Variants in PRMT8 observed in about 807,000 individuals in gnomAD.
The protein encoded by PRMT8 is protein arginine N-methyltransferase 8.
A neutral mutation model predicts 47.1 loss-of-function variants in PRMT8; 7 were observed. That is an observed-to-expected ratio of 0.15 (90% CI 0.08 to 0.28). The LOEUF is 0.28. Ranked by LOEUF, PRMT8 falls within the 10% of genes least tolerant of loss-of-function variation. The pLI, the probability that PRMT8 is intolerant of heterozygous loss-of-function variation, is 1.00. For synonymous variants in PRMT8, 188 were observed against 186.5 expected, an observed-to-expected ratio of 1.01 and a Z score of -0.07; for missense variants, 237 against 505.4, an observed-to-expected ratio of 0.47 and a Z score of 5.09.
intron 1 of PRMT8, among the ~76,000 whole-genome samples, chr12:3,425,341 G>A (rs1208430369): frequency 6.6e-6 from 1 of 152,258 alleles, no homozygotes; most frequent in Non-Finnish European, 1.5e-5. Context: ...TTGCTGGCAA[G>A]GCCCTCAAAC....
intron 1 of PRMT8, among the ~76,000 whole-genome samples, chr12:3,445,866 C>G (rs1014257097): frequency 2.6e-5 from 4 of 152,206 alleles, no homozygotes; most frequent in African/African-American, 7.2e-5. Context: ...GCGATATTTA[C>G]TGCGGTCAGC....
chr12:3,381,932 G>A (rs1354949871), intron 1 of PRMT8, among the ~76,000 whole-genome samples: 4 of 152,176 alleles, frequency 2.6e-5, no homozygotes, highest in Non-Finnish European at 4.4e-5. Flanking sequence ...CTCTATTTCT[G>A]TAATTTTGTC....
intron 2 of PRMT8, among the ~76,000 whole-genome samples, chr12:3,545,737 A>G (rs1477579563): frequency 6.6e-6 from 1 of 152,238 alleles, no homozygotes; most frequent in Non-Finnish European, 1.5e-5. Context: ...CTAAAGGAAG[A>G]AAAAGGGAAA....
In PRMT8 at chr12:3,540,614, C is replaced by CCCCCCCGG; in HGVS notation, c.90_91insGGCCCCCC (p.Ser31GlyfsTer38). On this transcript the variant is annotated frameshift_variant, in exon 2 of 10. Coordinates refer to ENST00000382622, the MANE Select transcript of PRMT8 (RefSeq NM_019854.5). LOFTEE classifies it high-confidence loss of function. ...CCTTCTCTTCCCCTCAGGTGAACAG[C>CCCCCCCGG]CCCCCCTCCCAGCCCCCCCAGCCCG... is the stretch of plus-strand genomic sequence containing the variant. The CCCCCCCGG allele has an allele frequency of 5.0e-5, 36 of 716,462 alleles. No homozygotes were observed. The highest frequency in any genetic ancestry group is 7.5e-5 in the Non-Finnish European group (30 of 402,646). 44.4% of individuals were successfully genotyped at this position (716,462 alleles called of 1,614,324 possible).
chr12:3,558,783 T>A (rs757541403), intron 4 of PRMT8, among the ~76,000 whole-genome samples: 3 of 152,210 alleles, frequency 2.0e-5, no homozygotes. Flanking sequence ...TCGGCTTGTC[T>A]CATTACTGAC....
In PRMT8 at chr12:3,558,371, C is replaced by T. The variant is rs35976372; in HGVS notation, c.481+4657C>T. Among the ~76,000 whole-genome samples the T allele has an allele frequency of 5.8e-3, 876 of 152,274 alleles. 5 individuals are homozygous for T. The highest frequency in any genetic ancestry group is 0.023 in the South Asian group (112 of 4,822). ...GAGAGTAAGTGGTTGATGCAATGCT[C>T]CGTCATCCCTGAATACATTAGTGTG... On this transcript the variant is annotated intron_variant, in intron 4 of 9. Coordinates refer to ENST00000382622, the MANE Select transcript of PRMT8 (RefSeq NM_019854.5).
intron 1 of PRMT8, among the ~76,000 whole-genome samples, chr12:3,385,521 G>A (rs921805337): frequency 6.6e-6 from 1 of 152,158 alleles, no homozygotes; most frequent in African/African-American, 2.4e-5. Flanking sequence ...GAGATGAAAA[G>A]CATGATTTAG....
At chr12:3,423,599 T>C (rs900086107) in intron 1 of PRMT8, among the ~76,000 whole-genome samples, 6 of 152,226 alleles carry the variant, frequency 3.9e-5, no homozygotes, top group Non-Finnish European at 7.3e-5. Context: ...GATGGTTTAA[T>C]AGTGCCAATA....
rs1205719733 is a variant in PRMT8, at chr12:3,593,415, C to A, written c.*233C>A. 3.9e-6 allele frequency: 2 copies of A among 516,618 alleles called. No homozygotes were observed. Among genetic ancestry groups the A allele is most frequent in the South Asian group, 2.4e-5 (1 of 42,504 alleles). 32.0% of individuals were successfully genotyped at this position (516,618 alleles called of 1,614,324 possible). ...CTTCACGAAGGCTTTGTGTTGCCAA[C>A]AAAGAGCGACCTGGCGTGCTGTGGC... is the stretch of plus-strand genomic sequence containing the variant. On this transcript the variant is annotated 3_prime_UTR_variant, in exon 10 of 10. Coordinates refer to ENST00000382622, the MANE Select transcript of PRMT8 (RefSeq NM_019854.5). The surrounding 1 kb of genome is among the most constrained non-coding windows in gnomAD (Gnocchi z 4.8).
At chr12:3,475,809 G>A (rs1310464344) in intron 1 of PRMT8, among the ~76,000 whole-genome samples, 6 of 152,178 alleles carry the variant, frequency 3.9e-5, no homozygotes, top group African/African-American at 7.2e-5. Context: ...GGGGGAAGGC[G>A]GCCTGGTGTC....
At position 3,583,459 on chromosome 12, in the gene PRMT8, A is replaced by G. The variant is rs1867111161; in HGVS notation, c.979+251A>G. On this transcript the variant is annotated intron_variant, in intron 8 of 9. Transcript: ENST00000382622. The surrounding 1 kb of genome is among the most constrained non-coding windows in gnomAD (Gnocchi z 4.7). The stretch of plus-strand genomic sequence containing the variant: ...GTTGGATGAGGGAGAGGCAGGAGGT[A>G]GGGCTCATGGAGGGGCCCCAAGCCC... Among the ~76,000 whole-genome samples the G allele has an allele frequency of 6.6e-6, 1 of 152,190 alleles. No homozygotes were observed. Among genetic ancestry groups the G allele is most frequent in the Non-Finnish European group, 1.5e-5 (1 of 68,028 alleles).
At chr12:3,541,619 C>T (rs1484037790) in intron 2 of PRMT8, among the ~76,000 whole-genome samples, 1 of 152,210 alleles carries the variant, frequency 6.6e-6, no homozygotes, top group African/African-American at 2.4e-5. Context: ...AGTTTGCTTG[C>T]TGTGCAAATC....
intron 1 of PRMT8, among the ~76,000 whole-genome samples, chr12:3,392,541 T>G (rs1484975272): frequency 6.6e-6 from 1 of 151,344 alleles, no homozygotes; most frequent in Non-Finnish European, 1.5e-5. Flanking sequence ...GGACATGAAC[T>G]CATCATTTTT....
At chr12:3,539,801 G>C (rs1247705030) in intron 1 of PRMT8, among the ~76,000 whole-genome samples, 2 of 152,176 alleles carry the variant, frequency 1.3e-5, no homozygotes, top group Admixed American at 1.3e-4. Context: ...AGCAATAATT[G>C]GTTGTGTGGA....
chr12:3,545,680 A>T (rs904825418), intron 2 of PRMT8, among the ~76,000 whole-genome samples: 3 of 152,188 alleles, frequency 2.0e-5, no homozygotes, highest in African/African-American at 7.2e-5. Flanking sequence ...AAAGCCTCCC[A>T]ACGTGGTACC....
At chr12:3,530,108 A>G (rs1199404309) in intron 1 of PRMT8, among the ~76,000 whole-genome samples, 1 of 152,282 alleles carries the variant, frequency 6.6e-6, no homozygotes, top group Middle Eastern at 3.4e-3. Flanking sequence ...TTTGAGTACC[A>G]CTGAACCCTC....
chr12:3,536,215 A>G (rs1399302604), intron 1 of PRMT8, among the ~76,000 whole-genome samples: 2 of 152,202 alleles, frequency 1.3e-5, no homozygotes, highest in Non-Finnish European at 2.9e-5. Flanking sequence ...ATGTTCAGGG[A>G]TCACAGGCCA....
intron 1 of PRMT8, among the ~76,000 whole-genome samples, chr12:3,532,127 A>C (rs1485758091): frequency 2.0e-5 from 3 of 152,042 alleles, no homozygotes; most frequent in Admixed American, 1.3e-4. Context: ...TTGAAGTCGG[A>C]GCCCAGGTTG....
At chr12:3,434,395 C>T (rs545253037) in intron 1 of PRMT8, among the ~76,000 whole-genome samples, 2 of 152,308 alleles carry the variant, frequency 1.3e-5, no homozygotes, top group East Asian at 1.9e-4. Flanking sequence ...AAGCAGGCCA[C>T]CGTTCTCCTT....
Sources: gnomAD v4.1 joint callset for allele counts (sites outside exome capture counted in the v4.1 genomes callset) on GRCh38, gnomAD v4.1.1 for gene constraint, Gnocchi (gnomAD v3.1) non-coding constraint, MANE v1.5 for transcripts, NCBI Gene and HGNC (gene_info 2026-07-23, HGNC 2026-07-21) for gene names.